The following CHFR variants were observed in gnomAD, a reference collection of about 807,000 sequenced individuals.
CHFR encodes the protein E3 ubiquitin-protein ligase CHFR.
Under a neutral mutation model 87.6 loss-of-function variants are expected in CHFR, and 57 were observed. The ratio of observed to expected loss-of-function variants is 0.65; its 90% CI spans 0.53 to 0.81. The LOEUF is 0.81. CHFR is among the 30% of genes least tolerant of loss of function. The pLI, the probability that CHFR is intolerant of heterozygous loss-of-function variation, is 0.00. For synonymous variants in CHFR, 381 were observed against 359.2 expected (o/e 1.06, Z -0.69); for missense variants, 797 against 865.8 (o/e 0.92, Z 1.00).
intron 15 of CHFR, among the ~76,000 whole-genome samples, chr12:132,844,683 T>C (rs1337599564): frequency 1.3e-5 from 2 of 152,058 alleles, no homozygotes; most frequent in African/African-American, 4.8e-5. Context: ...CAGGCTAGAG[T>C]GCAGTGGCGG....
chr12:132,842,036 G>A (rs1950713013), intron 17 of CHFR, among the ~76,000 whole-genome samples: 1 of 148,910 alleles, frequency 6.7e-6, no homozygotes, highest in Admixed American at 6.8e-5. Flanking sequence ...CTTGAACCTG[G>A]GAGGCAGGGT....
At chr12:132,847,334 A>C in intron 14 of CHFR, 2 of 1,316,776 alleles carry the variant, frequency 1.5e-6, no homozygotes, top group Non-Finnish European at 9.8e-7. Flanking sequence ...GAAGTCCCAA[A>C]AGGTTCCAGT....
At chr12:132,872,185 G>A (rs1175723674) in intron 4 of CHFR, 100 bp downstream of exon 4, 15 of 741,716 alleles carry the variant, frequency 2.0e-5, no homozygotes, top group South Asian at 3.1e-5. Flanking sequence ...CAGGAGGAAC[G>A]TTCCTATGGG....
chr12:132,870,949 A>T (rs1376872183), intron 4 of CHFR, among the ~76,000 whole-genome samples, 166 bp from the exon 5 acceptor site: 2 of 152,264 alleles, frequency 1.3e-5, no homozygotes, highest in East Asian at 3.8e-4. Context: ...AATCTAAAAC[A>T]TCTCTACCAA....
chr12:132,848,771 T>A (rs1950879225), intron 12 of CHFR, 47 bp from the exon 13 acceptor site: 1 of 1,378,200 alleles, frequency 7.3e-7, no homozygotes, highest in Non-Finnish European at 1.0e-6. Context: ...CTGAGGGCTG[T>A]CTCCAACACA....
intron 4 of CHFR, among the ~76,000 whole-genome samples, chr12:132,871,198 T>C (rs969361309): frequency 3.9e-5 from 6 of 152,232 alleles, no homozygotes; most frequent in African/African-American, 1.2e-4. Flanking sequence ...TTGCCTGTAA[T>C]CCCAGCACTC....
chr12:132,856,424 C>T (rs756987993), intron 10 of CHFR, 44 bp downstream of exon 10: 4 of 1,607,428 alleles, frequency 2.5e-6, no homozygotes, highest in Non-Finnish European at 2.6e-6. Context: ...TTGTGATGCT[C>T]CTCTGGCTCA....
intron 6 of CHFR, chr12:132,862,029 T>C (rs768884089): frequency 1.9e-4 from 40 of 207,020 alleles, no homozygotes; most frequent in African/African-American, 8.5e-4. Flanking sequence ...TCCCAGCACG[T>C]TGGGAGGCCG....
Position 132,848,413 on chromosome 12 carries a change from T to C in CHFR, c.1576+228A>G, listed in dbSNP as rs985642005. Reference sequence around the variant, plus strand: ...TAACAGCAGAACCCCGCTGCAAGGATTCTGTCCTGGGAGTATCTCCCCTAA... The same window carrying C: ...TAACAGCAGAACCCCGCTGCAAGGACTCTGTCCTGGGAGTATCTCCCCTAA... On this transcript the variant is annotated intron_variant, in intron 13 of 17. Coordinates refer to ENST00000450056, the MANE Select transcript of CHFR (RefSeq NM_001161346.2). 2.1e-4 allele frequency: 152 copies of C among 730,610 alleles called. 1 individual carries two copies. The highest frequency in any genetic ancestry group is 6.7e-4 in the Middle Eastern group (2 of 2,980). The allele number at this position is 730,610 out of a possible 1,614,324, so 45.3% of individuals were successfully genotyped here.
intron 9 of CHFR, 141 bp from the exon 10 acceptor site, chr12:132,856,771 T>C (rs577681001): frequency 1.7e-4 from 164 of 948,740 alleles, no homozygotes; most frequent in Admixed American, 2.9e-4. Flanking sequence ...CGGGTGCTGG[T>C]GGAGGGACTG....
intron 16 of CHFR, among the ~76,000 whole-genome samples, chr12:132,843,537 C>T (rs1950745546): frequency 6.6e-6 from 1 of 152,212 alleles, no homozygotes; most frequent in East Asian, 1.9e-4. Flanking sequence ...ACCCACGTTA[C>T]ACTCATGAGT....
chr12:132,848,085 C>G lies in CHFR; in HGVS notation c.1647G>C (p.Lys549Asn). The part of the protein sequence containing the change: ...NNNSYESDIL[K>N]NYLATRGLTW... ...TCCCCAGCCCGCAGCGAGTCGGTAC[C>G]TTCAGGATGTCTGACTCGTAGCTGT... Residue 549 changes from lysine to asparagine, a missense_variant and splice_region_variant, in exon 14 of 18, where the codon AAG becomes AAC. Lys to Asn is a moderately conservative substitution (Grantham distance 94). Transcript: ENST00000450056. 6.2e-7 allele frequency: 1 copy of G among 1,614,052 alleles called. No individual in the cohort carries two copies. Among genetic ancestry groups the G allele is most frequent in the Non-Finnish European group, 8.5e-7 (1 of 1,180,016 alleles).
chr12:132,862,301 T>TA (rs1951229096), intron 6 of CHFR: 1 of 247,988 alleles, frequency 4.0e-6, no homozygotes, highest in Non-Finnish European at 8.1e-6. Flanking sequence ...AAATAAAAAA[T>TA]AGAGGTCTGA....
chr12:132,877,731 T>A, intron 2 of CHFR, 77 bp from the exon 3 acceptor site: 1 of 840,054 alleles, frequency 1.2e-6, no homozygotes, highest in Non-Finnish European at 1.9e-6. Context: ...TTTACCAAAG[T>A]ATGTGGTTCC....
chr12:132,842,652 G>A (rs974065516), intron 17 of CHFR, among the ~76,000 whole-genome samples: 5 of 152,252 alleles, frequency 3.3e-5, no homozygotes, highest in Non-Finnish European at 5.9e-5. Flanking sequence ...AATCACAAAT[G>A]CCTGCTCACG....
chr12:132,847,919 T>C (rs1950861926), intron 14 of CHFR, 166 bp downstream of exon 14: 1 of 1,467,584 alleles, frequency 6.8e-7, no homozygotes, highest in Non-Finnish European at 9.0e-7. Context: ...ACCAATGGCA[T>C]GCAGAGAACC....
rs1442703181 is a variant in CHFR at position 132,848,708 on chromosome 12, C to T, written c.1509G>A (p.Gln503=). The part of the protein sequence containing the change: ...VAPQQCAVCL[Q]PFCHLYWGCT... Reference sequence around the variant, plus strand: ...AGCCCCAGTACAGGTGGCAGAAAGGCTGCAGGCAGACCGCACCTGTGGAGA... The same window carrying T: ...AGCCCCAGTACAGGTGGCAGAAAGGTTGCAGGCAGACCGCACCTGTGGAGA... Residue 503 remains glutamine (Q), a synonymous_variant, in exon 13 of 18, where the codon CAG becomes CAA. Transcript: ENST00000450056. 6.3e-7 allele frequency: 1 copy of T among 1,587,760 alleles called. No individual in the cohort carries two copies. Among genetic ancestry groups the T allele is most frequent in the Non-Finnish European group, 8.6e-7 (1 of 1,167,182 alleles).
chr12:132,863,404 G>T (rs1951261394), intron 6 of CHFR, among the ~76,000 whole-genome samples: 1 of 151,956 alleles, frequency 6.6e-6, no homozygotes, highest in Non-Finnish European at 1.5e-5. Context: ...TACTTGGGAG[G>T]CTGAGGCAGG....
chr12:132,848,274 G>T lies in CHFR; in HGVS notation c.1577-119C>A, dbSNP rs970103904. 4.1e-4 allele frequency: 628 copies of T among 1,540,700 alleles called. 5 individuals are homozygous for T. The highest frequency in any genetic ancestry group is 1.2e-5 in the Non-Finnish European group (14 of 1,136,632). ...TTACAGATTCTAGAAAGAATAAGAA[G>T]TTCAATGATAAAACTCAATTTTAAA... On this transcript the variant is annotated intron_variant, in intron 13 of 17. Coordinates refer to ENST00000450056, the MANE Select transcript of CHFR (RefSeq NM_001161346.2).
Sources: gnomAD v4.1 joint callset for allele counts (sites outside exome capture counted in the v4.1 genomes callset) on GRCh38, gnomAD v4.1.1 for gene constraint, MANE v1.5 for transcripts, NCBI Gene and HGNC (gene_info 2026-07-23, HGNC 2026-07-21) for gene names.